The following SYAP1 variants were observed in gnomAD, a reference collection of about 807,000 sequenced individuals.
The protein encoded by SYAP1 is synapse-associated protein 1.
A neutral mutation model predicts 29.6 loss-of-function variants in SYAP1; 3 were observed. The observed-to-expected ratio is 0.10, with a 90% CI of 0.05 to 0.26. SYAP1 has a LOEUF of 0.26. SYAP1 is among the 10% of genes least tolerant of loss of function. SYAP1 has a pLI of 1.00. For synonymous variants in SYAP1, 102 were observed against 102.7 expected (o/e 0.99, Z 0.04); for missense variants, 217 against 264.1 (o/e 0.82, Z 1.24).
chrX:16,733,489 G>A (rs1407783982), intron 1 of SYAP1, among the ~76,000 whole-genome samples: 1 of 110,825 alleles, frequency 9.0e-6, no homozygotes, highest in Non-Finnish European at 1.9e-5. Context: ...CCTTCAACAG[G>A]TGTAAGTAAG....
Position 16,733,669 on chromosome X carries a change from CTT to C in SYAP1, c.176-1544_176-1543del, listed in dbSNP as rs139404462. On this transcript the variant is annotated intron_variant, in intron 1 of 8. Transcript: ENST00000380155. ...AATGATATTTGTCTACAAATTAGCC[CTT>C]TTTTTTTTTTTTTAGACGGAGTCTC... Among the ~76,000 whole-genome samples the C allele has an allele frequency of 6.3e-3, 630 of 99,776 alleles. 6 individuals carry two copies. Among genetic ancestry groups the C allele is most frequent in the African/African-American group, 0.021 (583 of 27,265 alleles). 86.6% of individuals were successfully genotyped at this position (99,776 alleles called of 115,157 possible). A position where few individuals can be genotyped will look rare whatever the true frequency, so the allele number is the denominator to read the frequency against.
At chrX:16,754,416 T>C (rs1926796858) in intron 5 of SYAP1, among the ~76,000 whole-genome samples, 1 of 111,975 alleles carries the variant, frequency 8.9e-6, no homozygotes, top group Non-Finnish European at 1.9e-5. Context: ...AGGTTTATCC[T>C]GTTGTTAGCT....
rs1365327193 is a variant in SYAP1, at chrX:16,755,064, A to G, written c.695A>G (p.Asn232Ser). The G allele has an allele frequency of 8.3e-7, 1 of 1,210,039 alleles. No homozygotes were observed. The highest frequency in any genetic ancestry group is 2.2e-5 in the Admixed American group (1 of 45,670). ...GCCGCAGGGAAGGAGGAGAAGAGCA[A>G]TGGCAGAGAGCAAGATTTGCCGCTG... ...QQAAGKEEKS[N>S]GREQDLPLAE... Residue 232 changes from asparagine (N) to serine (S), a missense_variant, in exon 6 of 9, where the codon AAT becomes AGT. Asn to Ser is a conservative substitution (Grantham distance 46, BLOSUM62 1). Transcript: ENST00000380155.
At chrX:16,751,624 G>T (rs1295022858) in intron 5 of SYAP1, among the ~76,000 whole-genome samples, 1 of 108,801 alleles carries the variant, frequency 9.2e-6, no homozygotes, top group Non-Finnish European at 1.9e-5. Context: ...CCATTCCTTG[G>T]GTGTGTACAT....
intron 1 of SYAP1, among the ~76,000 whole-genome samples, chrX:16,731,364 G>A (rs761942234): frequency 4.5e-5 from 5 of 111,799 alleles, no homozygotes; most frequent in South Asian, 3.7e-4. Flanking sequence ...ATCATTGAAA[G>A]TTATGAGACC....
At chrX:16,729,206 A>G in intron 1 of SYAP1, among the ~76,000 whole-genome samples, 1 of 111,238 alleles carries the variant, frequency 9.0e-6, no homozygotes. Flanking sequence ...ATATTTACAC[A>G]TATATGGCCC....
chrX:16,743,876 T>C lies in SYAP1; in HGVS notation c.575+36T>C, dbSNP rs766229446. 15 of 1,183,392 alleles carry C rather than the reference T, an allele frequency of 1.3e-5. No individual in the cohort carries two copies. The African/African-American group carries it at 2.7e-4, about 21-fold the overall frequency. On this transcript the variant is annotated intron_variant, in intron 5 of 8. Transcript: ENST00000380155. ...TGTTCTCCAGCGTTTCCTCATGGCCTCCATTATGTGCTCAGTATCAGCACA... is the reference window on the plus strand; with the variant it reads ...TGTTCTCCAGCGTTTCCTCATGGCCCCCATTATGTGCTCAGTATCAGCACA...
chrX:16,745,267 C>T (rs1004222235), intron 5 of SYAP1, among the ~76,000 whole-genome samples: 1 of 111,746 alleles, frequency 8.9e-6, no homozygotes, highest in Non-Finnish European at 1.9e-5. Context: ...GTGGCTTGAC[C>T]TTGATGTCAC....
chrX:16,734,466 A>T (rs1029925140), intron 1 of SYAP1, among the ~76,000 whole-genome samples: 3 of 110,624 alleles, frequency 2.7e-5, no homozygotes, highest in Non-Finnish European at 5.7e-5. Context: ...CCCCAGATTT[A>T]TCATGGGACA....
intron 1 of SYAP1, among the ~76,000 whole-genome samples, chrX:16,720,539 T>C (rs1474015662): frequency 8.9e-6 from 1 of 112,600 alleles, no homozygotes; most frequent in Non-Finnish European, 1.9e-5. Flanking sequence ...GCCAAAGTTA[T>C]ACTGATAGTG....
intron 8 of SYAP1, among the ~76,000 whole-genome samples, 192 bp from the exon 9 acceptor site, chrX:16,760,039 CT>C (rs1287462707): frequency 8.9e-6 from 1 of 112,634 alleles, no homozygotes; most frequent in Non-Finnish European, 1.9e-5. Context: ...ACAGATTTAT[CT>C]TTCTAATTGT....
chrX:16,748,929 G>A (rs1926667417), intron 5 of SYAP1, among the ~76,000 whole-genome samples: 1 of 108,800 alleles, frequency 9.2e-6, no homozygotes, highest in Non-Finnish European at 1.9e-5. Context: ...GCTAATTTTT[G>A]TATATTTAGT....
chrX:16,743,567 G>A (rs1926523835), intron 4 of SYAP1, 134 bp from the exon 5 acceptor site: 1 of 507,168 alleles, frequency 2.0e-6, no homozygotes, highest in Admixed American at 3.5e-5. Context: ...CCAGGAGGTG[G>A]AGGTTGCAGT....
intron 8 of SYAP1, among the ~76,000 whole-genome samples, 153 bp from the exon 9 acceptor site, chrX:16,760,079 C>T (rs909309130): frequency 5.3e-5 from 6 of 112,505 alleles, no homozygotes; most frequent in African/African-American, 1.9e-4. Context: ...TTAAAATTTA[C>T]TGAGTTTTTC....
rs1161716732 is a variant in SYAP1 at position 16,759,247 on chromosome X, C to T, written c.932-985C>T. ...AGGCGTGGTGGCAGGCACCTGTAAT[C>T]CCAGCTACTTGGGAGGCTGAGGCAG... is the stretch of plus-strand genomic sequence containing the variant. On this transcript the variant is annotated intron_variant, in intron 8 of 8. Transcript: ENST00000380155. Among the ~76,000 whole-genome samples, 2 of 107,586 alleles carry T rather than the reference C, an allele frequency of 1.9e-5. 1 individual carries two copies. Among genetic ancestry groups the T allele is most frequent in the African/African-American group, 6.8e-5 (2 of 29,453 alleles). 93.4% of individuals were successfully genotyped at this position (107,586 alleles called of 115,157 possible).
At chrX:16,723,811 T>C (rs1926020553) in intron 1 of SYAP1, among the ~76,000 whole-genome samples, 1 of 111,827 alleles carries the variant, frequency 8.9e-6, no homozygotes, top group Admixed American at 9.6e-5. Context: ...CCTACTTTAC[T>C]TTATTCTTAC....
chrX:16,746,368 C>G (rs185270718), intron 5 of SYAP1, among the ~76,000 whole-genome samples: 1,846 of 107,759 alleles, frequency 0.017, 48 homozygotes, highest in African/African-American at 0.06. Flanking sequence ...TCCCGAGTAG[C>G]TGGGATTACA....
At chrX:16,745,313 G>C (rs978118655) in intron 5 of SYAP1, among the ~76,000 whole-genome samples, 36 of 112,215 alleles carry the variant, frequency 3.2e-4, no homozygotes, top group African/African-American at 1.2e-3. Context: ...GTCCCTGAGT[G>C]TAGAGCAGCT....
Position 16,736,199 on chromosome X carries a change from AAAT to A in SYAP1, c.329_331del (p.Lys110_Phe111delinsIle). On this transcript the variant is annotated inframe_deletion, in exon 3 of 9. Transcript: ENST00000380155. ...AGGAGATTTTCAGAAGGAACAGAAA[AAAT>A]TTGTTGAAGAGCAACATACAAAGAA... 8.4e-7 allele frequency: 1 copy of A among 1,194,594 alleles called. No individual in the cohort carries two copies.
Sources: allele counts gnomAD v4.1 joint callset (sites outside exome capture counted in the v4.1 genomes callset), GRCh38; gene constraint gnomAD v4.1.1; transcripts MANE v1.5; gene names NCBI Gene and HGNC (gene_info 2026-07-23, HGNC 2026-07-21).